PRDM5: variants seen among roughly 807,000 people sequenced by gnomAD.
The protein encoded by PRDM5 is PR/SET domain 5.
Under a neutral mutation model 81.2 loss-of-function variants are expected in PRDM5, and 56 were observed. The observed-to-expected ratio is 0.69, with a 90% CI of 0.56 to 0.86. The LOEUF is 0.86. Among genes scored for constraint, PRDM5 ranks in the 40% least tolerant of loss-of-function variants. PRDM5 has a pLI of 0.00. For synonymous variants in PRDM5, 267 were observed against 256.4 expected (o/e 1.04, Z -0.39); for missense variants, 697 against 770.1 (o/e 0.91, Z 1.12).
chr4:120,889,534 TAATAAA>T (rs2148618315), intron 2 of PRDM5, among the ~76,000 whole-genome samples: 1 of 152,282 alleles, frequency 6.6e-6, no homozygotes, highest in Non-Finnish European at 1.5e-5. Flanking sequence ...CAAAAAAAAT[TAATAAA>T]AATAAACTTT....
At chr4:120,721,153 T>C (rs1738540450) in intron 14 of PRDM5, among the ~76,000 whole-genome samples, 1 of 152,212 alleles carries the variant, frequency 6.6e-6, no homozygotes, top group Non-Finnish European at 1.5e-5. Flanking sequence ...CCAAACCAGC[T>C]CAAAAGCCTT....
intron 8 of PRDM5, among the ~76,000 whole-genome samples, chr4:120,808,555 G>A (rs62325581): frequency 0.012 from 1,869 of 152,232 alleles, 24 homozygotes; most frequent in Non-Finnish European, 0.02. Context: ...TCACCCAGTG[G>A]ATCCTACACT....
chr4:120,722,731 A>G (rs767805942), intron 14 of PRDM5, among the ~76,000 whole-genome samples: 4 of 152,186 alleles, frequency 2.6e-5, no homozygotes, highest in Non-Finnish European at 4.4e-5. Context: ...GGTTTAGCTT[A>G]GAGCATGCGA....
At chr4:120,811,596 G>A (rs1175412005) in intron 7 of PRDM5, 147 bp from the exon 8 acceptor site, 3 of 508,104 alleles carry the variant, frequency 5.9e-6, no homozygotes, top group Non-Finnish European at 1.0e-5. Context: ...TAAACTTAAA[G>A]AGTAAGTTAT....
intron 2 of PRDM5, among the ~76,000 whole-genome samples, chr4:120,864,246 T>C (rs1483417649): frequency 6.6e-6 from 1 of 152,182 alleles, no homozygotes; most frequent in Non-Finnish European, 1.5e-5. Context: ...ACAATAATTG[T>C]ATTAATTTAT....
intron 2 of PRDM5, among the ~76,000 whole-genome samples, chr4:120,895,221 G>T (rs192377419): frequency 6.6e-6 from 1 of 152,316 alleles, no homozygotes; most frequent in Non-Finnish European, 1.5e-5. Flanking sequence ...CACAGTGCAG[G>T]TTGATGTGTT....
At chr4:120,756,593 T>C (rs1452972812) in intron 13 of PRDM5, among the ~76,000 whole-genome samples, 2 of 152,174 alleles carry the variant, frequency 1.3e-5, no homozygotes, top group Admixed American at 6.5e-5. Flanking sequence ...TTTACTGAGA[T>C]CTTAATCATT....
chr4:120,699,824 T>C (rs1381145634), intron 15 of PRDM5, among the ~76,000 whole-genome samples: 1 of 152,076 alleles, frequency 6.6e-6, no homozygotes, highest in Non-Finnish European at 1.5e-5. Flanking sequence ...TCAATATCAT[T>C]AAAATGGCCA....
chr4:120,725,368 A>G (rs1739249444), intron 14 of PRDM5, among the ~76,000 whole-genome samples: 1 of 151,860 alleles, frequency 6.6e-6, no homozygotes, highest in African/African-American at 2.4e-5. Context: ...TGCTACACAG[A>G]CTTCATCAGG....
intron 14 of PRDM5, among the ~76,000 whole-genome samples, chr4:120,718,675 GTTTT>G (rs1393988776): frequency 6.6e-6 from 1 of 151,344 alleles, no homozygotes; most frequent in East Asian, 2.0e-4. Context: ...GCAAAATAGT[GTTTT>G]ATTTAAAAAA....
intron 7 of PRDM5, among the ~76,000 whole-genome samples, chr4:120,815,372 C>T (rs1754350509): frequency 6.6e-6 from 1 of 152,204 alleles, no homozygotes; most frequent in Non-Finnish European, 1.5e-5. Context: ...TAGTGAAGGG[C>T]ACCAAGCTGG....
chr4:120,864,728 T>C (rs1761008297), intron 2 of PRDM5, among the ~76,000 whole-genome samples: 1 of 152,204 alleles, frequency 6.6e-6, no homozygotes. Flanking sequence ...ATTTTATTCA[T>C]AAAAATAAGA....
chr4:120,752,904 T>C (rs1744210998), intron 14 of PRDM5, among the ~76,000 whole-genome samples: 1 of 152,216 alleles, frequency 6.6e-6, no homozygotes, highest in Admixed American at 6.5e-5. Context: ...TTGTGTTTAT[T>C]TTTATTCATC....
intron 1 of PRDM5, 60 bp downstream of exon 1, chr4:120,922,456 T>A (rs113037077): frequency 7.4e-7 from 1 of 1,356,866 alleles, no homozygotes; most frequent in African/African-American, 1.5e-5. Context: ...GCAGGGCGAC[T>A]CCGGGAGGCA....
At chr4:120,899,118 G>T (rs1167756314) in intron 2 of PRDM5, among the ~76,000 whole-genome samples, 1 of 151,082 alleles carries the variant, frequency 6.6e-6, no homozygotes, top group Non-Finnish European at 1.5e-5. Flanking sequence ...TTCCTTCATG[G>T]TTCCCTCTCT....
chr4:120,898,402 T>C (rs1005329325), intron 2 of PRDM5, among the ~76,000 whole-genome samples: 1 of 152,226 alleles, frequency 6.6e-6, no homozygotes, highest in South Asian at 2.1e-4. Context: ...CCAATATTGT[T>C]GCTTCACACG....
intron 7 of PRDM5, among the ~76,000 whole-genome samples, chr4:120,815,141 T>C (rs1009215305): frequency 6.6e-5 from 10 of 152,156 alleles, no homozygotes; most frequent in African/African-American, 1.9e-4. Flanking sequence ...TCTATTACAA[T>C]ATATTGCAGA....
At chr4:120,791,479 T>C (rs1411155606) in intron 10 of PRDM5, among the ~76,000 whole-genome samples, 1 of 152,178 alleles carries the variant, frequency 6.6e-6, no homozygotes, top group Non-Finnish European at 1.5e-5. Context: ...AAAACATTAG[T>C]GTGAAATGCA....
At chr4:120,877,542 C>T (rs764318538) in intron 2 of PRDM5, among the ~76,000 whole-genome samples, 3 of 152,136 alleles carry the variant, frequency 2.0e-5, no homozygotes, top group African/African-American at 4.8e-5. Context: ...CGGTGGCTCA[C>T]GCCTGTAATC....
Sources: allele counts gnomAD v4.1 joint callset (sites outside exome capture counted in the v4.1 genomes callset), GRCh38; gene constraint gnomAD v4.1.1; transcripts MANE v1.5; gene names NCBI Gene and HGNC (gene_info 2026-07-23, HGNC 2026-07-21).